The following SAMD5 variants were observed in gnomAD, a reference collection of about 807,000 sequenced individuals.
The protein encoded by SAMD5 is sterile alpha motif domain containing 5.
A neutral mutation model predicts 11.3 loss-of-function variants in SAMD5; 13 were observed. The ratio of observed to expected loss-of-function variants is 1.15; its 90% CI spans 0.75 to 1.83. SAMD5 has a LOEUF of 1.83. Among genes scored for constraint, SAMD5 ranks in the 40% most tolerant of loss-of-function variants. The pLI is 0.00. For missense variants in SAMD5, 255 were observed against 239.1 expected, an observed-to-expected ratio of 1.07 and a Z score of -0.44; for synonymous variants, 129 against 111.3, an observed-to-expected ratio of 1.16 and a Z score of -1.00.
Position 147,567,641 on chromosome 6 carries a change from C to T in SAMD5, c.*3185C>T. ...CTAGGCATGTAGCAGGTGCTGACTG[C>T]CTCTCTCCCTTCCCTTCTTTACTCT... On this transcript the variant is annotated 3_prime_UTR_variant, in exon 2 of 2. Transcript: ENST00000367474. 1 of 985,038 alleles carries T rather than the reference C, an allele frequency of 1.0e-6. No individual in the cohort carries two copies. The highest frequency in any genetic ancestry group is 1.2e-6 in the Non-Finnish European group (1 of 829,592). The allele number at this position is 985,038 out of a possible 1,614,324, so 61.0% of individuals were successfully genotyped here.
At position 147,674,293 on chromosome 6, in the gene SAMD5, T is replaced by G. The variant is rs529737655; in HGVS notation, c.163-63024T>G. Among the ~76,000 whole-genome samples the G allele has an allele frequency of 1.3e-4, 20 of 152,292 alleles. No individual in the cohort carries two copies. In the South Asian group the frequency reaches 2.5e-3, roughly 19 times the overall value. On this transcript the variant is annotated intron_variant, in intron 1 of 1. Transcript: ENST00000566741. The stretch of plus-strand genomic sequence containing the variant: ...GAGGGGGCTGCTGGTCACAGAAGCA[T>G]GTGCCTCTTGGCCACTGGTATGTGC...
At position 147,569,297 on chromosome 6, in the gene SAMD5, A is replaced by T. The variant is rs889855567; in HGVS notation, c.*4841A>T. ...CTACTTATGAAATAGATAATTTTTTAAAATTGTTTAAACTCCTGGAAATTA... is the reference window on the plus strand; with the variant it reads ...CTACTTATGAAATAGATAATTTTTTTAAATTGTTTAAACTCCTGGAAATTA... On this transcript the variant is annotated 3_prime_UTR_variant, in exon 2 of 2. Coordinates refer to ENST00000367474, the MANE Select transcript of SAMD5 (RefSeq NM_001030060.3). 4 of 437,278 alleles carry T rather than the reference A, an allele frequency of 9.1e-6. No individual in the cohort carries two copies. The highest frequency in any genetic ancestry group is 1.6e-4 in the East Asian group (1 of 6,436). 27.1% of individuals were successfully genotyped at this position (437,278 alleles called of 1,614,324 possible).
At chr6:147,860,543 G>A in the SAMD5 span, among the ~76,000 whole-genome samples, 40 of 152,240 alleles carry the variant, frequency 2.6e-4, no homozygotes, top group East Asian at 6.4e-3. Context: ...CTTGGAATTT[G>A]AATAAAATCC....
intron 1 of SAMD5, among the ~76,000 whole-genome samples, chr6:147,684,865 T>A (rs984706775): frequency 6.6e-5 from 10 of 152,164 alleles, no homozygotes; most frequent in Admixed American, 1.3e-4. Flanking sequence ...AAATATATTT[T>A]AAAAAAATAA....
the SAMD5 span, among the ~76,000 whole-genome samples, chr6:147,861,001 G>A: frequency 2.0e-5 from 3 of 152,068 alleles, no homozygotes; most frequent in East Asian, 1.9e-4. Context: ...GATTTCCCTT[G>A]CCATAGTAGG....
chr6:147,774,641 A>G, the SAMD5 span, among the ~76,000 whole-genome samples: 1 of 152,080 alleles, frequency 6.6e-6, no homozygotes, highest in African/African-American at 2.4e-5. Flanking sequence ...TTTTCAATCT[A>G]CAGTTGGTTG....
chr6:147,866,104 A>G, the SAMD5 span, among the ~76,000 whole-genome samples: 7 of 138,548 alleles, frequency 5.1e-5, no homozygotes, highest in East Asian at 1.0e-3. Flanking sequence ...TATCTTAGTG[A>G]GCTGAAATTT....
At chr6:147,768,271 G>A in the SAMD5 span, among the ~76,000 whole-genome samples, 1 of 152,172 alleles carries the variant, frequency 6.6e-6, no homozygotes, top group East Asian at 1.9e-4. Flanking sequence ...GCTGAGGTGG[G>A]CAAACCACCT....
At chr6:147,704,378 T>C (rs982427950) in intron 1 of SAMD5, among the ~76,000 whole-genome samples, 2 of 152,140 alleles carry the variant, frequency 1.3e-5, no homozygotes, top group Admixed American at 6.5e-5. Context: ...TAGGCACAAC[T>C]CTATTAAATT....
the SAMD5 span, among the ~76,000 whole-genome samples, chr6:147,951,380 C>A: frequency 6.6e-6 from 1 of 151,992 alleles, no homozygotes; most frequent in East Asian, 1.9e-4. Flanking sequence ...CTGGGTTTCA[C>A]CGTGTTAGCC....
intron 1 of SAMD5, among the ~76,000 whole-genome samples, chr6:147,544,113 C>T (rs941874952): frequency 4.6e-5 from 7 of 152,064 alleles, no homozygotes; most frequent in African/African-American, 1.4e-4. Flanking sequence ...CCATTGTGGA[C>T]AACAGACAAG....
chr6:147,647,489 G>A (rs1368038225), intron 1 of SAMD5, among the ~76,000 whole-genome samples: 3 of 152,144 alleles, frequency 2.0e-5, no homozygotes, highest in African/African-American at 7.2e-5. Context: ...TCAGGTGCCA[G>A]TGGGACATTC....
At chr6:147,860,828 G>A in the SAMD5 span, among the ~76,000 whole-genome samples, 2 of 152,086 alleles carry the variant, frequency 1.3e-5, no homozygotes, top group Non-Finnish European at 2.9e-5. Context: ...TTCTATGAAT[G>A]GATTCCATAG....
At chr6:147,930,628 CT>C in the SAMD5 span, among the ~76,000 whole-genome samples, 1 of 152,054 alleles carries the variant, frequency 6.6e-6, no homozygotes, top group African/African-American at 2.4e-5. Flanking sequence ...AGTGGCATGA[CT>C]TGGTCCAATT....
the SAMD5 span, among the ~76,000 whole-genome samples, chr6:147,879,743 G>T: frequency 6.6e-6 from 1 of 152,156 alleles, no homozygotes; most frequent in South Asian, 2.1e-4. Flanking sequence ...CTCAGCAAAT[G>T]TTTAAAGAAT....
chr6:147,863,893 G>A, the SAMD5 span, among the ~76,000 whole-genome samples: 44 of 145,830 alleles, frequency 3.0e-4, no homozygotes, highest in African/African-American at 1.1e-3. Flanking sequence ...GCCCAGGCTG[G>A]AGTCCAGTGG....
intron 1 of SAMD5, among the ~76,000 whole-genome samples, chr6:147,734,009 T>C (rs1791756415): frequency 6.6e-6 from 1 of 152,228 alleles, no homozygotes; most frequent in South Asian, 2.1e-4. Flanking sequence ...TTCCATTTTA[T>C]CTTAACTCAT....
the SAMD5 span, among the ~76,000 whole-genome samples, chr6:147,943,795 C>T: frequency 6.6e-6 from 1 of 152,190 alleles, no homozygotes; most frequent in Non-Finnish European, 1.5e-5. Flanking sequence ...GCCCTCTCAC[C>T]TGCACCCCAA....
the SAMD5 span, among the ~76,000 whole-genome samples, chr6:147,796,906 C>T: frequency 3.2e-4 from 48 of 149,024 alleles, no homozygotes; most frequent in Admixed American, 2.1e-3. Context: ...GTGATTTTTG[C>T]ACATTGATTT....
Sources: gnomAD v4.1 joint callset for allele counts (sites outside exome capture counted in the v4.1 genomes callset) on GRCh38, gnomAD v4.1.1 for gene constraint, MANE v1.5 for transcripts, NCBI Gene and HGNC (gene_info 2026-07-23, HGNC 2026-07-21) for gene names.